Variants in STS observed in about 807,000 individuals in gnomAD.
STS encodes the protein steroid sulfatase.
STS carries 7 observed loss-of-function variants against 26.8 expected under a neutral mutation model. The observed-to-expected ratio is 0.26, with a 90% CI of 0.15 to 0.49. The LOEUF (loss-of-function observed/expected upper bound fraction) is 0.49. Among genes scored for constraint, STS ranks in the 20% least tolerant of loss-of-function variants. The probability of loss-of-function intolerance (pLI) is 0.98; values close to 1 mark genes in which losing one functional copy is unlikely to be tolerated. For missense variants in STS, 434 were observed against 465.6 expected (o/e 0.93, Z 0.63); for synonymous variants, 199 against 189.4 (o/e 1.05, Z -0.42).
rs370888998 is a variant in STS at position 7,350,110 on chromosome X, C to T, written c.1586C>T (p.Ala529Val). ...YEILKVMQEA[A>V]DRHTQTLPEV... Reference sequence around the variant, plus strand: ...ATCCTCAAAGTCATGCAGGAAGCTGCGGACAGACACACCCAGACCCTGCCA... The same window carrying T: ...ATCCTCAAAGTCATGCAGGAAGCTGTGGACAGACACACCCAGACCCTGCCA... Residue 529 changes from alanine (A) to valine (V), a missense_variant, in exon 11 of 11, where the codon GCG (alanine) becomes GTG (valine). Ala to Val is a moderately conservative substitution (Grantham distance 64, BLOSUM62 0). Transcript: ENST00000674429. 23 of 1,210,598 alleles carry T rather than the reference C, an allele frequency of 1.9e-5. No individual in the cohort carries two copies. The highest frequency in any genetic ancestry group is 5.2e-5 in the African/African-American group (3 of 57,390).
intron 3 of STS, among the ~76,000 whole-genome samples, chrX:7,253,828 C>T (rs1923265782): frequency 1.8e-5 from 2 of 112,068 alleles, no homozygotes; most frequent in Non-Finnish European, 1.9e-5. Flanking sequence ...TCTGTAAAGG[C>T]TGCTATGACA....
intron 7 of STS, among the ~76,000 whole-genome samples, chrX:7,280,334 T>C (rs1450949168): frequency 9.0e-6 from 1 of 111,688 alleles, no homozygotes; most frequent in Non-Finnish European, 1.9e-5. Flanking sequence ...GATAAAGTGC[T>C]TGAACAGTTT....
intron 2 of STS, among the ~76,000 whole-genome samples, chrX:7,238,276 C>T (rs1310342124): frequency 2.7e-5 from 3 of 110,364 alleles, no homozygotes; most frequent in African/African-American, 9.9e-5. Flanking sequence ...TTGATTCCAT[C>T]TCCTTAGCTC....
chrX:7,254,260 G>A (rs992426681), intron 3 of STS, among the ~76,000 whole-genome samples: 5 of 112,184 alleles, frequency 4.5e-5, no homozygotes, highest in South Asian at 3.7e-4. Context: ...AACGAGACTC[G>A]AGGTCATTTG....
At chrX:7,295,277 C>G (rs1373714515) in intron 7 of STS, among the ~76,000 whole-genome samples, 2 of 111,445 alleles carry the variant, frequency 1.8e-5, no homozygotes, top group Non-Finnish European at 3.8e-5. Context: ...TCAAAAAAAT[C>G]TAGTGGAACA....
At chrX:7,258,056 A>ATAGC (rs1211183189) in intron 5 of STS, among the ~76,000 whole-genome samples, 20 of 106,839 alleles carry the variant, frequency 1.9e-4, no homozygotes, top group African/African-American at 5.8e-4. Flanking sequence ...GGAATAGATG[A>ATAGC]TAGCTAGCTA....
At chrX:7,183,168 TATTTATAAG>T (rs1172049100) in intron 1 of STS, among the ~76,000 whole-genome samples, 1 of 111,791 alleles carries the variant, frequency 8.9e-6, no homozygotes, top group Non-Finnish European at 1.9e-5. Flanking sequence ...TCCAGGTTGA[TATTTATAAG>T]ATGTACTTTT....
chrX:7,153,133 C>T (rs1933053099), intron 1 of STS, among the ~76,000 whole-genome samples: 1 of 111,741 alleles, frequency 8.9e-6, no homozygotes, highest in South Asian at 3.8e-4. Flanking sequence ...GGGGCTCAGG[C>T]TTCATCACAC....
At chrX:7,328,868 G>T (rs1247755679) in intron 9 of STS, among the ~76,000 whole-genome samples, 1 of 111,300 alleles carries the variant, frequency 9.0e-6, no homozygotes, top group African/African-American at 3.3e-5. Flanking sequence ...GCTAATTTTT[G>T]TATTTTTAGT....
chrX:7,182,435 G>A (rs1415960940), intron 1 of STS, among the ~76,000 whole-genome samples: 1 of 108,983 alleles, frequency 9.2e-6, no homozygotes. Context: ...TTTTGGGGCC[G>A]GGTACCTAAC....
At chrX:7,227,663 A>G (rs145548340) in intron 2 of STS, among the ~76,000 whole-genome samples, 4,619 of 111,476 alleles carry the variant, frequency 0.041, 233 homozygotes, top group African/African-American at 0.14. Context: ...CGGTGACCTT[A>G]GTATTTGCCA....
chrX:7,181,826 C>T (rs1933686833), intron 1 of STS, among the ~76,000 whole-genome samples: 1 of 112,187 alleles, frequency 8.9e-6, no homozygotes, highest in Admixed American at 9.4e-5. Flanking sequence ...TGGCTCATGC[C>T]TATAATCCCA....
chrX:7,179,096 G>A (rs1290562404), intron 1 of STS, among the ~76,000 whole-genome samples: 1 of 107,748 alleles, frequency 9.3e-6, no homozygotes, highest in East Asian at 3.0e-4. Flanking sequence ...TCTCATGAAA[G>A]TGGTGACTTA....
intron 9 of STS, among the ~76,000 whole-genome samples, chrX:7,326,184 G>A (rs1927460900): frequency 9.0e-6 from 1 of 110,694 alleles, no homozygotes; most frequent in South Asian, 3.9e-4. Flanking sequence ...CCCTCGGTTT[G>A]GAGTGTCACG....
chrX:7,267,176 G>T (rs1208481290), intron 6 of STS, among the ~76,000 whole-genome samples: 1 of 111,999 alleles, frequency 8.9e-6, no homozygotes, highest in Non-Finnish European at 1.9e-5. Flanking sequence ...GTCCGAGTGA[G>T]GATTAGTTGG....
chrX:7,178,921 A>C (rs987390399), intron 1 of STS, among the ~76,000 whole-genome samples: 1 of 105,730 alleles, frequency 9.5e-6, no homozygotes, highest in Non-Finnish European at 1.9e-5. Flanking sequence ...GAAAGTGGTA[A>C]CTCGCTTTCT....
intron 1 of STS, among the ~76,000 whole-genome samples, chrX:7,161,927 A>G (rs1278437394): frequency 9.0e-6 from 1 of 111,666 alleles, no homozygotes. Context: ...TTCATTTATA[A>G]TGAGATTATC....
chrX:7,170,298 T>A (rs1260230319), intron 1 of STS, among the ~76,000 whole-genome samples: 1 of 109,412 alleles, frequency 9.1e-6, no homozygotes, highest in Non-Finnish European at 1.9e-5. Flanking sequence ...CTCACTAGGG[T>A]GAAGTGTTCC....
At chrX:7,181,854 G>A (rs1168088253) in intron 1 of STS, among the ~76,000 whole-genome samples, 1 of 112,109 alleles carries the variant, frequency 8.9e-6, no homozygotes, top group Non-Finnish European at 1.9e-5. Context: ...GGGAGGCTAA[G>A]GTGGGTGGAT....
Sources: allele counts gnomAD v4.1 joint callset (sites outside exome capture counted in the v4.1 genomes callset), GRCh38; gene constraint gnomAD v4.1.1; transcripts MANE v1.5; gene names NCBI Gene and HGNC (gene_info 2026-07-23, HGNC 2026-07-21).